Variants in BBOF1 observed in about 807,000 individuals in gnomAD.
The protein encoded by BBOF1 is basal body orientation factor 1.
In BBOF1, 62 loss-of-function variants were observed where a neutral mutation model predicts 68.0. The observed-to-expected ratio is 0.91, with a 90% CI of 0.74 to 1.13. The LOEUF is 1.13. Among genes scored for constraint, BBOF1 ranks in the 50% most tolerant of loss-of-function variants. BBOF1 has a pLI of 0.00. For synonymous variants in BBOF1, 208 were observed against 198.8 expected, an observed-to-expected ratio of 1.05 and a Z score of -0.39; for missense variants, 534 against 600.1, an observed-to-expected ratio of 0.89 and a Z score of 1.15.
chr14:74,021,780 T>G (rs1167126070), intron 1 of BBOF1, among the ~76,000 whole-genome samples: 4 of 151,650 alleles, frequency 2.6e-5, no homozygotes, highest in Non-Finnish European at 5.9e-5. Flanking sequence ...GGTGGCGGGC[T>G]CCTGTAGTCC....
chr14:74,066,919 C>A, downstream of BBOF1: 1 of 1,593,090 alleles, frequency 6.3e-7, no homozygotes, highest in Non-Finnish European at 8.6e-7. Context: ...TTAAGGTCCT[C>A]ATTAACATAA....
intron 2 of BBOF1, among the ~76,000 whole-genome samples, chr14:74,025,054 C>T (rs989067535): frequency 6.6e-6 from 1 of 152,130 alleles, no homozygotes; most frequent in African/African-American, 2.4e-5. Flanking sequence ...ATGCATGAGC[C>T]ACAAAACCTG....
At chr14:74,061,984 C>T (rs566044716) in intron 11 of BBOF1, among the ~76,000 whole-genome samples, 84 of 135,552 alleles carry the variant, frequency 6.2e-4, no homozygotes, top group African/African-American at 2.2e-3. Flanking sequence ...CTGAGGTAGG[C>T]GGATCACTTG....
intron 4 of BBOF1, among the ~76,000 whole-genome samples, chr14:74,038,627 G>C (rs1484512632): frequency 1.3e-5 from 2 of 152,172 alleles, no homozygotes; most frequent in Non-Finnish European, 2.9e-5. Context: ...ATTATACTGT[G>C]TATGTAGAAT....
intron 3 of BBOF1, among the ~76,000 whole-genome samples, chr14:74,033,643 G>A (rs186823780): frequency 2.6e-5 from 4 of 151,958 alleles, no homozygotes; most frequent in East Asian, 3.9e-4. Flanking sequence ...TTGGGAGGCC[G>A]AGGTGAGTGG....
intron 4 of BBOF1, among the ~76,000 whole-genome samples, chr14:74,034,395 G>C (rs894341811): frequency 6.6e-6 from 1 of 152,138 alleles, no homozygotes; most frequent in African/African-American, 2.4e-5. Flanking sequence ...CCAAATCTCA[G>C]ACAACACATC....
At chr14:74,023,477 A>C (rs2059349040) in intron 2 of BBOF1, among the ~76,000 whole-genome samples, 1 of 152,202 alleles carries the variant, frequency 6.6e-6, no homozygotes, top group Non-Finnish European at 1.5e-5. Context: ...AGTTTTAAAA[A>C]TTTGTAAAGC....
intron 3 of BBOF1, among the ~76,000 whole-genome samples, chr14:74,032,233 T>G (rs1453878639): frequency 6.6e-6 from 1 of 151,038 alleles, no homozygotes; most frequent in Non-Finnish European, 1.5e-5. Context: ...TTCAAGCGAT[T>G]CTCCTGCCTC....
At chr14:74,025,386 A>G (rs2059400146) in intron 2 of BBOF1, among the ~76,000 whole-genome samples, 1 of 152,196 alleles carries the variant, frequency 6.6e-6, no homozygotes, top group Non-Finnish European at 1.5e-5. Context: ...TAGACTAAAT[A>G]TATCCTCATT....
At chr14:74,048,762 A>G (rs955275653) in intron 7 of BBOF1, among the ~76,000 whole-genome samples, 2 of 152,176 alleles carry the variant, frequency 1.3e-5, no homozygotes, top group Non-Finnish European at 2.9e-5. Context: ...GCCTTTCTGA[A>G]TGAAGTTGGG....
At chr14:74,053,939 A>G (rs1376668211) in intron 8 of BBOF1, among the ~76,000 whole-genome samples, 2 of 151,900 alleles carry the variant, frequency 1.3e-5, no homozygotes, top group African/African-American at 4.8e-5. Context: ...CAGTGGCACA[A>G]TCTCGGCTCA....
At chr14:74,062,051 G>GGAA (rs1176468419) in intron 11 of BBOF1, among the ~76,000 whole-genome samples, 12 of 59,614 alleles carry the variant, frequency 2.0e-4, no homozygotes, top group South Asian at 2.0e-3. Context: ...TCTCTACTGG[G>GGAA]AAAAAAAAAA....
intron 8 of BBOF1, among the ~76,000 whole-genome samples, chr14:74,051,180 G>A (rs2060060345): frequency 6.6e-6 from 1 of 151,600 alleles, no homozygotes; most frequent in African/African-American, 2.4e-5. Flanking sequence ...GGAGATGGAG[G>A]TTTCAATGAG....
intron 4 of BBOF1, among the ~76,000 whole-genome samples, chr14:74,039,172 G>A (rs1163688015): frequency 6.6e-6 from 1 of 151,940 alleles, no homozygotes; most frequent in Non-Finnish European, 1.5e-5. Flanking sequence ...ATAGCTATAT[G>A]TTATTTTTAC....
rs1595116023 is a variant in BBOF1, at chr14:74,065,631, C to T, written c.*932C>T. ...ACTGTATCTTTAGTTCATGACCCAT[C>T]ATCAGCTGCCTTTTTAATACCTGAA... On this transcript the variant is annotated 3_prime_UTR_variant, in exon 12 of 12. Coordinates refer to ENST00000394009, the MANE Select transcript of BBOF1 (RefSeq NM_025057.3). The T allele has an allele frequency of 5.0e-6, 2 of 403,992 alleles. No homozygotes were observed. Among genetic ancestry groups the T allele is most frequent in the East Asian group, 9.7e-5 (2 of 20,584 alleles). 25.0% of individuals were successfully genotyped at this position (403,992 alleles called of 1,614,324 possible).
Position 74,042,879 on chromosome 14 carries a change from G to GACACACAC in BBOF1, c.576+2259_576+2266dup, listed in dbSNP as rs71460947. ...TCTCTCTTATACACACACACACACA[G>GACACACAC]ACACACACACACACACACACACACA... On this transcript the variant is annotated intron_variant, in intron 5 of 11. Transcript: ENST00000394009. 2.8e-3 allele frequency among the ~76,000 whole-genome samples: 408 copies of GACACACAC among 143,764 alleles called. 1 individual carries two copies. The highest frequency in any genetic ancestry group is 6.3e-3 in the Admixed American group (89 of 14,122). 94.3% of individuals were successfully genotyped at this position (143,764 alleles called of 152,430 possible).
chr14:74,077,969 G>C (rs535424921), intron 9 of BBOF1, among the ~76,000 whole-genome samples: 1 of 152,270 alleles, frequency 6.6e-6, no homozygotes, highest in East Asian at 1.9e-4. Context: ...ATAACGGCAC[G>C]GTGATTTCTG....
chr14:74,032,307 A>G (rs2059590864), intron 3 of BBOF1, among the ~76,000 whole-genome samples: 1 of 150,998 alleles, frequency 6.6e-6, no homozygotes, highest in Non-Finnish European at 1.5e-5. Context: ...TTGTATTTTT[A>G]GTAGAGACAG....
chr14:74,037,571 T>C (rs1307099672), intron 4 of BBOF1, among the ~76,000 whole-genome samples: 1 of 150,116 alleles, frequency 6.7e-6, no homozygotes, highest in Non-Finnish European at 1.5e-5. Flanking sequence ...CTTACAGGCA[T>C]GAGCCACCAT....
Sources: gnomAD v4.1 joint callset for allele counts (sites outside exome capture counted in the v4.1 genomes callset) on GRCh38, gnomAD v4.1.1 for gene constraint, MANE v1.5 for transcripts, NCBI Gene and HGNC (gene_info 2026-07-23, HGNC 2026-07-21) for gene names.